CORIN: variants seen among roughly 807,000 people sequenced by gnomAD.
The protein encoded by CORIN is corin, serine peptidase.
In CORIN, 117 loss-of-function variants were observed where a neutral mutation model predicts 125.3. That is an observed-to-expected ratio of 0.93 (90% CI 0.80 to 1.09). CORIN has a LOEUF of 1.09. CORIN is among the 50% of genes least tolerant of loss of function. The pLI is 0.00. For missense variants in CORIN, 1,253 were observed against 1,306.7 expected (o/e 0.96, Z 0.63); for synonymous variants, 450 against 466.4 (o/e 0.96, Z 0.45).
chr4:47,686,122 T>C (rs769753798), intron 6 of CORIN, among the ~76,000 whole-genome samples: 4 of 150,240 alleles, frequency 2.7e-5, no homozygotes, highest in Non-Finnish European at 5.9e-5. Flanking sequence ...TGCCAAAATA[T>C]GACACTTACA....
At position 47,837,904 on chromosome 4, in the gene CORIN, C is replaced by G; in HGVS notation, c.46G>C (p.Ala16Pro). Residue 16 changes from alanine to proline, a missense_variant, in exon 1 of 22, where the codon GCC becomes CCC. Physicochemically the swap from Ala to Pro is conservative, Grantham distance 27. Coordinates refer to ENST00000273857, the MANE Select transcript of CORIN (RefSeq NM_006587.4). ...ALAPEERCRRAGSPKPVLRAD... is the reference protein window; with the variant it reads ...ALAPEERCRRPGSPKPVLRAD... ...GATCTTACCGGCTTTGGGGACCCGG[C>G]TCTGCGGCAGCGCTCTTCCGGAGCG... The G allele has an allele frequency of 6.2e-7, 1 of 1,613,830 alleles. No individual in the cohort carries two copies. Among genetic ancestry groups the G allele is most frequent in the South Asian group, 1.1e-5 (1 of 91,074 alleles).
intron 4 of CORIN, among the ~76,000 whole-genome samples, chr4:47,753,763 G>T (rs1279946917): frequency 6.6e-6 from 1 of 151,882 alleles, no homozygotes; most frequent in Non-Finnish European, 1.5e-5. Context: ...TTTTCAAGGT[G>T]CACTGATTTC....
At chr4:47,666,216 C>T (rs547194527) in intron 10 of CORIN, among the ~76,000 whole-genome samples, 5 of 152,284 alleles carry the variant, frequency 3.3e-5, no homozygotes, top group African/African-American at 4.8e-5. Flanking sequence ...AGTGCAATAG[C>T]GTCTTAGGCA....
chr4:47,775,462 T>C (rs942603636), intron 3 of CORIN, among the ~76,000 whole-genome samples: 2 of 152,040 alleles, frequency 1.3e-5, no homozygotes, highest in African/African-American at 4.8e-5. Flanking sequence ...AGTGAGAACA[T>C]GGGGTGTTTG....
chr4:47,615,840 G>A lies in CORIN; in HGVS notation c.2540+7731C>T, dbSNP rs191412355. 4.4e-3 allele frequency among the ~76,000 whole-genome samples: 677 copies of A among 152,240 alleles called. 5 individuals are homozygous for A. Among genetic ancestry groups the A allele is most frequent in the African/African-American group, 0.016 (648 of 41,526 alleles). On this transcript the variant is annotated intron_variant, in intron 19 of 21. Coordinates refer to ENST00000273857, the MANE Select transcript of CORIN (RefSeq NM_006587.4). ...TAGGAAATAAATAGTCCAGAAGTGA[G>A]ATGATGGTGGCTTGGAGTAGGATTA... is the stretch of plus-strand genomic sequence containing the variant.
At chr4:47,661,148 A>C (rs996092479) in intron 12 of CORIN, among the ~76,000 whole-genome samples, 1 of 152,208 alleles carries the variant, frequency 6.6e-6, no homozygotes, top group Non-Finnish European at 1.5e-5. Context: ...AGTCATGGTG[A>C]TAGAAAGTAG....
At chr4:47,775,344 A>G (rs544564291) in intron 3 of CORIN, among the ~76,000 whole-genome samples, 3 of 151,832 alleles carry the variant, frequency 2.0e-5, no homozygotes, top group Non-Finnish European at 2.9e-5. Context: ...CATTAGGTAT[A>G]TCTCCTAATG....
At chr4:47,640,226 C>T (rs1723182821) in intron 16 of CORIN, among the ~76,000 whole-genome samples, 1 of 152,054 alleles carries the variant, frequency 6.6e-6, no homozygotes, top group Non-Finnish European at 1.5e-5. Context: ...CCACTGTGCA[C>T]ACAATAGCCA....
At chr4:47,743,923 G>T (rs547609648) in intron 5 of CORIN, among the ~76,000 whole-genome samples, 1 of 151,976 alleles carries the variant, frequency 6.6e-6, no homozygotes, top group Non-Finnish European at 1.5e-5. Context: ...AATAGTAATA[G>T]CATCACTGTA....
At chr4:47,821,841 G>T (rs1732528705) in intron 1 of CORIN, among the ~76,000 whole-genome samples, 1 of 152,238 alleles carries the variant, frequency 6.6e-6, no homozygotes, top group East Asian at 1.9e-4. Context: ...ATCCAAATGA[G>T]AACAGACTAA....
At chr4:47,611,474 C>T (rs1182038024) in intron 19 of CORIN, among the ~76,000 whole-genome samples, 1 of 152,200 alleles carries the variant, frequency 6.6e-6, no homozygotes, top group Admixed American at 6.5e-5. Flanking sequence ...AGTTGCTTAT[C>T]AGTTTAAGAA....
intron 4 of CORIN, among the ~76,000 whole-genome samples, chr4:47,752,735 A>G (rs1354796457): frequency 6.6e-6 from 1 of 152,168 alleles, no homozygotes; most frequent in East Asian, 1.9e-4. Flanking sequence ...GGGCATAAAT[A>G]ATGTAAAAAT....
intron 6 of CORIN, among the ~76,000 whole-genome samples, chr4:47,690,685 C>T (rs899098837): frequency 2.0e-5 from 3 of 152,290 alleles, no homozygotes; most frequent in Middle Eastern, 3.4e-3. Context: ...TCACTGAGAA[C>T]GCACAGCAAA....
intron 10 of CORIN, among the ~76,000 whole-genome samples, chr4:47,670,529 C>T (rs1420610722): frequency 6.6e-6 from 1 of 152,172 alleles, no homozygotes; most frequent in Non-Finnish European, 1.5e-5. Flanking sequence ...AAAAGCAAAC[C>T]TGTTCATTTC....
chr4:47,683,665 G>T, intron 7 of CORIN, 66 bp downstream of exon 7: 1 of 1,162,672 alleles, frequency 8.6e-7, no homozygotes, highest in Non-Finnish European at 1.3e-6. Flanking sequence ...ATAATGAACT[G>T]TAAGTTTTTG....
chr4:47,601,761 C>T (rs913118404), intron 20 of CORIN, among the ~76,000 whole-genome samples: 3 of 151,980 alleles, frequency 2.0e-5, no homozygotes, highest in African/African-American at 7.2e-5. Context: ...TCTAACATTG[C>T]CTTCAAAATT....
intron 5 of CORIN, among the ~76,000 whole-genome samples, chr4:47,741,143 G>A (rs1728373892): frequency 6.6e-6 from 1 of 151,864 alleles, no homozygotes; most frequent in Non-Finnish European, 1.5e-5. Context: ...AATGAAAACA[G>A]CCCCCGAAGA....
intron 8 of CORIN, among the ~76,000 whole-genome samples, chr4:47,678,406 T>C (rs899806821): frequency 6.6e-6 from 1 of 152,228 alleles, no homozygotes; most frequent in Non-Finnish European, 1.5e-5. Flanking sequence ...GTAAAGTAGA[T>C]ACTATCATCT....
At chr4:47,619,801 A>T (rs1361885145) in intron 19 of CORIN, among the ~76,000 whole-genome samples, 2 of 152,168 alleles carry the variant, frequency 1.3e-5, no homozygotes, top group African/African-American at 4.8e-5. Context: ...AAACTGTTGG[A>T]TTCATTTAGG....
Sources: allele counts gnomAD v4.1 joint callset (sites outside exome capture counted in the v4.1 genomes callset), GRCh38; gene constraint gnomAD v4.1.1; transcripts MANE v1.5; gene names NCBI Gene and HGNC (gene_info 2026-07-23, HGNC 2026-07-21).